MUC17: variants seen among roughly 807,000 people sequenced by gnomAD.
MUC17 encodes the protein mucin-17.
A neutral mutation model predicts 170.3 loss-of-function variants in MUC17; 190 were observed. That is an observed-to-expected ratio of 1.12 (90% CI 0.99 to 1.26). The LOEUF is 1.26. MUC17 is among the 50% of genes most tolerant of loss of function. The pLI is 0.00. For missense variants in MUC17, 6,415 were observed against 5,530.0 expected (o/e 1.16, Z -5.08); for synonymous variants, 2,325 against 2,002.5 (o/e 1.16, Z -4.30).
Position 101,034,998 on chromosome 7 carries a change from T to C in MUC17, c.3582T>C (p.Ser1194=), listed in dbSNP as rs201072471. The change falls in exon 3 of 13, where the codon TCT becomes TCC. Residue 1194 remains serine (S), a synonymous_variant. Transcript: ENST00000306151. ...PVDSKTQVAT[S]TEASSPPPTA... is the part of the protein sequence containing the mutation. The stretch of plus-strand genomic sequence containing the variant: ...ACTCCAAAACTCAGGTGGCCACTTC[T>C]ACTGAAGCCAGTTCACCTCCTCCAA... The C allele has an allele frequency of 1.2e-5, 20 of 1,613,964 alleles. No individual in the cohort carries two copies. The highest frequency in any genetic ancestry group is 3.4e-6 in the Non-Finnish European group (4 of 1,180,020).
rs1428559979 is a variant in MUC17, at chr7:101,039,354, C to T, written c.7938C>T (p.Ala2646=). Reference sequence around the variant, plus strand: ...TACTTGTCAGCACCATGCCAGTGGCCAGTTCTGAGGCTAGCACCCTTTCAA... The same window carrying T: ...TACTTGTCAGCACCATGCCAGTGGCTAGTTCTGAGGCTAGCACCCTTTCAA... ...TSILVSTMPV[A]SSEASTLSTT... Residue 2646 remains alanine, a synonymous_variant, in exon 3 of 13, where the codon GCC becomes GCT. Transcript: ENST00000306151. The T allele has an allele frequency of 6.2e-7, 1 of 1,613,088 alleles. No homozygotes were observed. The highest frequency in any genetic ancestry group is 1.3e-5 in the African/African-American group (1 of 74,846).
Position 101,038,338 on chromosome 7 carries a change from A to G in MUC17, c.6922A>G (p.Thr2308Ala), listed in dbSNP as rs533663885. Residue 2308 changes from threonine (T) to alanine (A), a missense_variant, in exon 3 of 13, where the codon ACT becomes GCT. Transcript: ENST00000306151. ...TLSTTPVDSN[T>A]PFTTSTEASS... ...TTCAACAACTCCTGTTGACTCCAACACTCCTTTCACTACTTCTACTGAAGC... is the reference window on the plus strand; with the variant it reads ...TTCAACAACTCCTGTTGACTCCAACGCTCCTTTCACTACTTCTACTGAAGC... 6.2e-7 allele frequency: 1 copy of G among 1,612,476 alleles called. No individual in the cohort carries two copies. Among genetic ancestry groups the G allele is most frequent in the East Asian group, 2.2e-5 (1 of 44,800 alleles).
chr7:101,050,529 G>C lies in MUC17; in HGVS notation c.12768G>C (p.Lys4256Asn). 2 of 1,614,034 alleles carry C rather than the reference G, an allele frequency of 1.2e-6. No homozygotes were observed. Among genetic ancestry groups the C allele is most frequent in the South Asian group, 2.2e-5 (2 of 91,070 alleles). The change falls in exon 7 of 13, where the codon AAG (lysine) becomes AAC (asparagine). Residue 4256 changes from lysine to asparagine, a missense_variant. Coordinates refer to ENST00000306151, the MANE Select transcript of MUC17 (RefSeq NM_001040105.2). ...AGCATGACGTCCTCCTAAGAACCAA[G>C]TACACACCAGAATACAAGACAGTAT... Reference protein sequence around the residue: ...VVEHDVLLRTKYTPEYKTVLD... With the variant: ...VVEHDVLLRTNYTPEYKTVLD...
rs141533166 is a variant in MUC17 at position 101,036,234 on chromosome 7, T to A, written c.4818T>A (p.Ala1606=). Residue 1606 remains alanine (A), a synonymous_variant, in exon 3 of 13, where the codon GCT becomes GCA. Transcript: ENST00000306151. ...TPIDSKTQVT[A]STEASSSTTA... ...TTGACTCCAAAACTCAGGTGACCGC[T>A]TCTACTGAAGCCAGTTCATCTACAA... is the stretch of plus-strand genomic sequence containing the variant. The A allele has an allele frequency of 5.2e-4, 840 of 1,613,882 alleles. 5 individuals carry two copies. The highest frequency in any genetic ancestry group is 6.7e-4 in the Non-Finnish European group (786 of 1,180,008).
chr7:101,033,047 C>A lies in MUC17; in HGVS notation c.1631C>A (p.Thr544Asn). 1 of 1,613,820 alleles carries A rather than the reference C, an allele frequency of 6.2e-7. No individual in the cohort carries two copies. The highest frequency in any genetic ancestry group is 1.1e-5 in the South Asian group (1 of 91,056). The change falls in exon 3 of 13, where the codon ACT (threonine) becomes AAT (asparagine). Residue 544 changes from threonine (T) to asparagine (N), a missense_variant. By Grantham distance (65) the Thr-to-Asn change is moderately conservative. Coordinates refer to ENST00000306151, the MANE Select transcript of MUC17 (RefSeq NM_001040105.2). ...GTTGACACCAGCACACCTGTGACCACTTCTAGTGAAGCCAGTTCATCTTCT... is the reference window on the plus strand; with the variant it reads ...GTTGACACCAGCACACCTGTGACCAATTCTAGTGAAGCCAGTTCATCTTCT... ...TPVDTSTPVT[T>N]SSEASSSSTT...
Position 101,042,929 on chromosome 7 carries a change from C to A in MUC17, c.11513C>A (p.Pro3838His), listed in dbSNP as rs745605709. The A allele has an allele frequency of 6.2e-7, 1 of 1,614,100 alleles. No homozygotes were observed. Among genetic ancestry groups the A allele is most frequent in the South Asian group, 1.1e-5 (1 of 91,076 alleles). The change falls in exon 3 of 13, where the codon CCT becomes CAT. Residue 3838 changes from proline to histidine, a missense_variant. By Grantham distance (77) the Pro-to-His change is moderately conservative. Coordinates refer to ENST00000306151, the MANE Select transcript of MUC17 (RefSeq NM_001040105.2). ...TCTGAGGCCAGCACACTTTCAACACCTCCTGGTGATACCAGCACACCTTTG... is the reference window on the plus strand; with the variant it reads ...TCTGAGGCCAGCACACTTTCAACACATCCTGGTGATACCAGCACACCTTTG... ...SPSEASTLST[P>H]PGDTSTPLLT...
chr7:101,024,768 C>T (rs1364157712), intron 1 of MUC17, among the ~76,000 whole-genome samples: 1 of 125,628 alleles, frequency 8.0e-6, no homozygotes, highest in African/African-American at 3.4e-5. Flanking sequence ...TCTGAGATGG[C>T]GCCTTGCCCT....
chr7:101,029,036 G>C (rs917375926), intron 1 of MUC17, among the ~76,000 whole-genome samples: 1 of 151,646 alleles, frequency 6.6e-6, no homozygotes, highest in African/African-American at 2.4e-5. Flanking sequence ...AAAAATACAA[G>C]ATTAGTTGGG....
rs66496833 is a variant in MUC17 at position 101,036,566 on chromosome 7, A to C, written c.5150A>C (p.Asn1717Thr). 138 of 1,611,042 alleles carry C rather than the reference A, an allele frequency of 8.6e-5. No individual in the cohort carries two copies. Among genetic ancestry groups the C allele is most frequent in the Admixed American group, 1.8e-4 (11 of 59,804 alleles). ...ISTLSTTPVD[N>T]STPVTTSTEA... Reference sequence around the variant, plus strand: ...ACCCTTTCAACAACTCCCGTTGACAACAGCACACCTGTGACCACTTCTACT... The same window carrying C: ...ACCCTTTCAACAACTCCCGTTGACACCAGCACACCTGTGACCACTTCTACT... The change falls in exon 3 of 13, where the codon AAC (asparagine) becomes ACC (threonine). Residue 1717 changes from asparagine to threonine, a missense_variant. Coordinates refer to ENST00000306151, the MANE Select transcript of MUC17 (RefSeq NM_001040105.2).
At position 101,047,809 on chromosome 7, in the gene MUC17, T is replaced by G. The variant is rs116125568; in HGVS notation, c.12404-175T>G. ...TCGCGCCATTGCACTCCAGCCTGGG[T>G]GACAAGGGTAAAACTCGGACTCAAA... On this transcript the variant is annotated intron_variant, in intron 3 of 12. Transcript: ENST00000306151. 4.1e-3 allele frequency among the ~76,000 whole-genome samples: 629 copies of G among 152,132 alleles called. 5 individuals are homozygous for G. Among genetic ancestry groups the G allele is most frequent in the African/African-American group, 0.015 (608 of 41,486 alleles).
chr7:101,053,128 T>A lies in MUC17; in HGVS notation c.13246T>A (p.Ser4416Thr), dbSNP rs754929687. ...AGCTCTCCTGATGCTCGTTTTCCGC[T>A]CCAAGAGAGAGGTGAAACGGTGAGC... Reference protein sequence around the residue: ...LVALLMLVFRSKREVKRQKYR... With the variant: ...LVALLMLVFRTKREVKRQKYR... The change falls in exon 10 of 13, where the codon TCC becomes ACC. Residue 4416 changes from serine to threonine, a missense_variant. Ser to Thr is a moderately conservative substitution (Grantham distance 58, BLOSUM62 1). Transcript: ENST00000306151. 1.2e-6 allele frequency: 2 copies of A among 1,613,646 alleles called. No homozygotes were observed. The highest frequency in any genetic ancestry group is 1.7e-6 in the Non-Finnish European group (2 of 1,179,912).
At position 101,032,572 on chromosome 7, in the gene MUC17, T is replaced by C. The variant is rs1794319831; in HGVS notation, c.1156T>C (p.Ser386Pro). 1 of 1,613,818 alleles carries C rather than the reference T, an allele frequency of 6.2e-7. No homozygotes were observed. The highest frequency in any genetic ancestry group is 8.5e-7 in the Non-Finnish European group (1 of 1,179,984). ...TGCTGAAGCTACCAGCATGCTAACC[T>C]CAACTCTTAGTGAAGGAAGCACTCC... ...TTAEATSMLTSTLSEGSTPLT... is the reference protein window; with the variant it reads ...TTAEATSMLTPTLSEGSTPLT... Residue 386 changes from serine to proline, a missense_variant, in exon 3 of 13, where the codon TCA becomes CCA. Coordinates refer to ENST00000306151, the MANE Select transcript of MUC17 (RefSeq NM_001040105.2).
At chr7:101,031,497 C>T in intron 2 of MUC17, 104 bp from the exon 3 acceptor site, 1 of 1,243,106 alleles carries the variant, frequency 8.0e-7, no homozygotes, top group East Asian at 2.5e-5. Flanking sequence ...GATGACATCC[C>T]TTATCTGAAC....
chr7:101,029,214 G>T (rs1244521234), intron 1 of MUC17, among the ~76,000 whole-genome samples: 1 of 150,878 alleles, frequency 6.6e-6, no homozygotes, highest in Non-Finnish European at 1.5e-5. Context: ...AAAATAGCTG[G>T]ACACGGTGGC....
chr7:101,024,738 C>CTTTTTTT lies in MUC17; in HGVS notation c.82+4535_82+4541dup, dbSNP rs35811119. The stretch of plus-strand genomic sequence containing the variant: ...AACCTCCTCCCTGCTCTGTCTCCTC[C>CTTTTTTT]TTTTTTTTTTTTTTTTTTTTCTGAG... On this transcript the variant is annotated intron_variant, in intron 1 of 12. Coordinates refer to ENST00000306151, the MANE Select transcript of MUC17 (RefSeq NM_001040105.2). Among the ~76,000 whole-genome samples, 533 of 125,402 alleles carry CTTTTTTT rather than the reference C, an allele frequency of 4.3e-3. 20 individuals carry two copies. The highest frequency in any genetic ancestry group is 0.011 in the African/African-American group (342 of 31,438). The allele number at this position is 125,402 out of a possible 152,430, so 82.3% of individuals were successfully genotyped here. A position where few individuals can be genotyped will look rare whatever the true frequency, so the allele number is the denominator to read the frequency against.
At chr7:101,031,282 C>T (rs941075210) in intron 2 of MUC17, 61 bp downstream of exon 2, 37 of 1,555,080 alleles carry the variant, frequency 2.4e-5, no homozygotes, top group African/African-American at 6.8e-5. Flanking sequence ...AGGGCTAGAG[C>T]GACCCCTGCC....
chr7:101,048,204 G>T (rs777538723), intron 4 of MUC17, 89 bp downstream of exon 4: 5 of 1,324,172 alleles, frequency 3.8e-6, no homozygotes, highest in Non-Finnish European at 5.0e-6. Context: ...TTGATGTGAG[G>T]CCAGGAATAG....
intron 6 of MUC17, among the ~76,000 whole-genome samples, chr7:101,050,118 G>A (rs1282352010): frequency 1.3e-5 from 2 of 152,190 alleles, no homozygotes; most frequent in African/African-American, 2.4e-5. Context: ...GCAGCAGTGA[G>A]ACTCTGTCTC....
At chr7:101,056,354 A>G (rs1379037905) in intron 12 of MUC17, 84 bp downstream of exon 12, 2 of 1,560,736 alleles carry the variant, frequency 1.3e-6, no homozygotes, top group Non-Finnish European at 1.7e-6. Flanking sequence ...GGACCTTCAG[A>G]AAAACAGAAC....
Sources: gnomAD v4.1 joint callset for allele counts (sites outside exome capture counted in the v4.1 genomes callset) on GRCh38, gnomAD v4.1.1 for gene constraint, MANE v1.5 for transcripts, NCBI Gene and HGNC (gene_info 2026-07-23, HGNC 2026-07-21) for gene names.